The following EP400 variants were observed in gnomAD, a reference collection of about 807,000 sequenced individuals.
EP400 encodes the protein E1A-binding protein p400.
EP400 carries 105 observed loss-of-function variants against 354.1 expected under a neutral mutation model. The observed-to-expected ratio is 0.30, with a 90% CI of 0.25 to 0.35. The LOEUF is 0.35. Among genes scored for constraint, EP400 ranks in the 10% least tolerant of loss-of-function variants. The pLI, the probability that EP400 is intolerant of heterozygous loss-of-function variation, is 1.00. For missense variants in EP400, 3,280 were observed against 4,121.0 expected (o/e 0.80, Z 5.59); for synonymous variants, 1,646 against 1,716.9 (o/e 0.96, Z 1.02).
intron 49 of EP400, 21 bp downstream of exon 49, chr12:132,066,990 T>C: frequency 1.3e-6 from 2 of 1,560,904 alleles, no homozygotes; most frequent in Non-Finnish European, 1.7e-6. Flanking sequence ...CAGCACACCC[T>C]CCCGTCCTGG....
Position 132,062,167 on chromosome 12 carries a change from G to A in EP400, c.7942G>A (p.Val2648Ile), listed in dbSNP as rs777949945. The A allele has an allele frequency of 6.2e-7, 1 of 1,614,066 alleles. No individual in the cohort carries two copies. Among genetic ancestry groups the A allele is most frequent in the East Asian group, 2.2e-5 (1 of 44,876 alleles). Reference sequence around the variant, plus strand: ...GCACACCCAGCCCCCGCCACGGGCAGTCGGCTCCCCAGCCACGGCGACCCC... The same window carrying A: ...GCACACCCAGCCCCCGCCACGGGCAATCGGCTCCCCAGCCACGGCGACCCC... Reference protein sequence around the residue: ...VVHTQPPPRAVGSPATATPDL... With the variant: ...VVHTQPPPRAIGSPATATPDL... Residue 2648 changes from valine (V) to isoleucine (I), a missense_variant, in exon 46 of 53, where the codon GTC becomes ATC. Val to Ile is a conservative substitution (Grantham distance 29, BLOSUM62 3). Around this residue, in one of 20 missense-constraint regions of EP400, gnomAD observed 255 missense variants for 295.9 expected, o/e 0.86. Transcript: ENST00000389561.
chr12:132,025,933 C>G lies in EP400; in HGVS notation c.5014+129C>G. On this transcript the variant is annotated intron_variant, in intron 25 of 52. Transcript: ENST00000389561. The surrounding 1 kb of genome is among the most constrained non-coding windows in gnomAD (Gnocchi z 4.1). The stretch of plus-strand genomic sequence containing the variant: ...AGCACAGTCTAGTGTGTGGCCATCT[C>G]TGATTTCTATAGATGTGTCCTAGTG... 1 of 1,141,872 alleles carries G rather than the reference C, an allele frequency of 8.8e-7. No homozygotes were observed. Among genetic ancestry groups the G allele is most frequent in the Non-Finnish European group, 1.2e-6 (1 of 857,044 alleles). The allele number at this position is 1,141,872 out of a possible 1,614,324, so 70.7% of individuals were successfully genotyped here.
chr12:131,960,833 G>A lies in EP400; in HGVS notation c.214G>A (p.Val72Met), dbSNP rs375222578. 3.3e-4 allele frequency: 535 copies of A among 1,613,768 alleles called. No homozygotes were observed. Among genetic ancestry groups the A allele is most frequent in the South Asian group, 8.5e-4 (77 of 91,064 alleles). The change falls in exon 2 of 53, where the codon GTG becomes ATG. Residue 72 changes from valine to methionine, a missense_variant. Transcript: ENST00000389561. ...TAGGAGCCCTGCAACCGGGCAGAAC[G>A]TGAACATCACCCTGCAGAGCGTGGG... Reference protein sequence around the residue: ...MNRSPATGQNVNITLQSVGPV... With the variant: ...MNRSPATGQNMNITLQSVGPV...
At chr12:132,006,450 GTCCCAGC>G in intron 14 of EP400, 148 bp downstream of exon 14, 3 of 1,074,470 alleles carry the variant, frequency 2.8e-6, no homozygotes, top group Non-Finnish European at 3.9e-6. Flanking sequence ...TGTGCCTGTA[GTCCCAGC>G]TACTCAGGAG....
chr12:131,977,503 GT>G lies in EP400; in HGVS notation c.1336-2177del, dbSNP rs761582396. ...TACTGGACACGGAGCCCTTTATCAAGTTTTTTTTTTTTTTAATTAAAAAATA... is the reference window on the plus strand; with the variant it reads ...TACTGGACACGGAGCCCTTTATCAAGTTTTTTTTTTTTTAATTAAAAAATA... On this transcript the variant is annotated intron_variant, in intron 2 of 52. Transcript: ENST00000389561. Among the ~76,000 whole-genome samples the G allele has an allele frequency of 2.9e-3, 413 of 142,032 alleles. 2 individuals are homozygous for G. The highest frequency in any genetic ancestry group is 6.8e-3 in the African/African-American group (265 of 39,002). 93.2% of individuals were successfully genotyped at this position (142,032 alleles called of 152,430 possible). A position where few individuals can be genotyped will look rare whatever the true frequency, so the allele number is the denominator to read the frequency against.
At chr12:132,020,672 A>T (rs1322930446) in intron 22 of EP400, among the ~76,000 whole-genome samples, 1 of 152,248 alleles carries the variant, frequency 6.6e-6, no homozygotes, top group Non-Finnish European at 1.5e-5. Flanking sequence ...CGCCATGTCC[A>T]TCCAGGTTTT....
chr12:131,995,953 G>T (rs1176359443), intron 12 of EP400, among the ~76,000 whole-genome samples: 2 of 151,978 alleles, frequency 1.3e-5, no homozygotes, highest in Non-Finnish European at 2.9e-5. Flanking sequence ...ACCACAGCTT[G>T]ACTGAATGTA....
At position 132,027,551 on chromosome 12, in the gene EP400, AC is replaced by A; in HGVS notation, c.5109+24del. On this transcript the variant is annotated intron_variant, in intron 26 of 52. Transcript: ENST00000389561. This position sits in a 1 kb window ranked among gnomAD's most constrained non-coding sequence, Gnocchi z 4.9. ...ACCCAGGTAAGCACCTGAGCTTGAG[AC>A]CCCGGTGCACGTGGACAGGTAGCTT... 1 of 1,587,530 alleles carries A rather than the reference AC, an allele frequency of 6.3e-7. No homozygotes were observed. The highest frequency in any genetic ancestry group is 8.6e-7 in the Non-Finnish European group (1 of 1,163,766).
chr12:131,962,321 C>T (rs1316849949), intron 2 of EP400, among the ~76,000 whole-genome samples: 1 of 152,214 alleles, frequency 6.6e-6, no homozygotes, highest in Non-Finnish European at 1.5e-5. Flanking sequence ...CTGACGCTGA[C>T]AGCTGTCACC....
rs1891895986 is a variant in EP400, at chr12:131,961,909, G to A, written c.1290G>A (p.Glu430=). The A allele has an allele frequency of 8.1e-6, 13 of 1,613,692 alleles. No individual in the cohort carries two copies. Among genetic ancestry groups the A allele is most frequent in the South Asian group, 1.1e-5 (1 of 91,056 alleles). The change falls in exon 2 of 53, where the codon GAG becomes GAA. Residue 430 remains glutamate (E), a synonymous_variant. Coordinates refer to ENST00000389561, the MANE Select transcript of EP400 (RefSeq NM_015409.5). ...ATTTGGACATTGAAGAAGAGGAGGAGGAGGAGGAAGAGGAGGAAGAAAAAT... is the reference window on the plus strand; with the variant it reads ...ATTTGGACATTGAAGAAGAGGAGGAAGAGGAGGAAGAGGAGGAAGAAAAAT... ...QNDLDIEEEE[E]EEEEEEEKSE...
intron 51 of EP400, chr12:132,076,259 T>A: frequency 4.0e-5 from 20 of 505,566 alleles, no homozygotes; most frequent in East Asian, 1.6e-4. Context: ...AAAGAAAAAA[T>A]GTGTCTGAAA....
chr12:132,015,352 G>A (rs1194104701), intron 19 of EP400, among the ~76,000 whole-genome samples: 1 of 152,204 alleles, frequency 6.6e-6, no homozygotes, highest in Non-Finnish European at 1.5e-5. Context: ...CTGAAGCTCT[G>A]GTGTCAGATT....
In EP400 at chr12:132,029,957, A is replaced by T. The variant is rs750617228; in HGVS notation, c.5585-32A>T. The T allele has an allele frequency of 1.9e-6, 3 of 1,612,852 alleles. No individual in the cohort carries two copies. Among genetic ancestry groups the T allele is most frequent in the Non-Finnish European group, 2.5e-6 (3 of 1,179,762 alleles). ...GCGGGAGCTGCACCGGCCCTGGATG[A>T]TGAGGCGCTCTTGATGTGATTCGTT... On this transcript the variant is annotated intron_variant, in intron 28 of 52. Transcript: ENST00000389561. This position sits in a 1 kb window ranked among gnomAD's most constrained non-coding sequence, Gnocchi z 4.7.
chr12:132,047,647 C>G (rs937406493), intron 39 of EP400, among the ~76,000 whole-genome samples: 2 of 152,174 alleles, frequency 1.3e-5, no homozygotes, highest in African/African-American at 4.8e-5. Context: ...AGGGCGAGAT[C>G]ACAGGACCAC....
In EP400 at chr12:132,011,603, G is replaced by C. The variant is rs762805975; in HGVS notation, c.3410G>C (p.Gly1137Ala). The change falls in exon 16 of 53, where the codon GGC becomes GCC. Residue 1137 changes from glycine to alanine, a missense_variant. This residue lies in a region of EP400 where 242 missense variants were observed against 357.9 expected (regional missense o/e 0.68). Coordinates refer to ENST00000389561, the MANE Select transcript of EP400 (RefSeq NM_015409.5). The stretch of plus-strand genomic sequence containing the variant: ...GGACTCAAAATCCTCTCATATATTG[G>C]CAGCCACAGAGAACTCAAAGCAAAG... ...CPGLKILSYI[G>A]SHRELKAKRQ... The C allele has an allele frequency of 1.2e-6, 2 of 1,611,532 alleles. No homozygotes were observed. The highest frequency in any genetic ancestry group is 2.2e-5 in the South Asian group (2 of 90,540).
chr12:131,985,941 G>A (rs1206094161), intron 5 of EP400, among the ~76,000 whole-genome samples: 2 of 152,028 alleles, frequency 1.3e-5, no homozygotes, highest in Non-Finnish European at 2.9e-5. Flanking sequence ...TAGCCTGTCT[G>A]CCATGAGAGA....
chr12:131,997,390 T>A (rs1261741838), intron 12 of EP400, among the ~76,000 whole-genome samples: 2 of 151,760 alleles, frequency 1.3e-5, no homozygotes, highest in Non-Finnish European at 2.9e-5. Flanking sequence ...CACCTCAGGC[T>A]CCCAAGTAGC....
At position 132,030,153 on chromosome 12, in the gene EP400, C is replaced by T. The variant is rs577263202; in HGVS notation, c.5749C>T (p.Arg1917Trp). 2.7e-5 allele frequency: 44 copies of T among 1,614,008 alleles called. No individual in the cohort carries two copies. Among genetic ancestry groups the T allele is most frequent in the African/African-American group, 9.3e-5 (7 of 74,914 alleles). ...CGATGAAAATGCCAGCAGTGAGCAA[C>T]GGCAGGTGAGAAGCACATTGTTTAC... The part of the protein sequence containing the change: ...RIDENASSEQ[R>W]QELMRSFNRD... The change falls in exon 29 of 53, where the codon CGG becomes TGG. Residue 1917 changes from arginine (R) to tryptophan (W), a missense_variant. Coordinates refer to ENST00000389561, the MANE Select transcript of EP400 (RefSeq NM_015409.5).
intron 23 of EP400, 66 bp downstream of exon 23, chr12:132,021,387 CG>C: frequency 1.4e-6 from 2 of 1,438,854 alleles, no homozygotes; most frequent in South Asian, 1.5e-5. Flanking sequence ...GTTAAGAACA[CG>C]GGGATGTAGG....
Sources: gnomAD v4.1 joint callset for allele counts (sites outside exome capture counted in the v4.1 genomes callset) on GRCh38, gnomAD v4.1.1 for gene constraint, gnomAD v4.1.1 regional missense constraint, Gnocchi (gnomAD v3.1) non-coding constraint, MANE v1.5 for transcripts, NCBI Gene and HGNC (gene_info 2026-07-23, HGNC 2026-07-21) for gene names.